The following COL5A2 variants were observed in gnomAD, a reference collection of about 807,000 sequenced individuals.
The protein encoded by COL5A2 is collagen alpha-2(V) chain.
A neutral mutation model predicts 208.2 loss-of-function variants in COL5A2; 23 were observed. The ratio of observed to expected loss-of-function variants is 0.11; its 90% CI spans 0.08 to 0.16. COL5A2 has a LOEUF of 0.16. Among genes scored for constraint, COL5A2 ranks in the 10% least tolerant of loss-of-function variants. COL5A2 has a pLI of 1.00. For missense variants in COL5A2, 1,590 were observed against 1,956.4 expected (o/e 0.81, Z 3.53); for synonymous variants, 625 against 628.5 (o/e 0.99, Z 0.08).
chr2:189,293,677 A>G, the COL5A2 span, among the ~76,000 whole-genome samples: 2 of 152,212 alleles, frequency 1.3e-5, no homozygotes, highest in Non-Finnish European at 2.9e-5. Flanking sequence ...ACAGGCAAAA[A>G]GACAGTTGTC....
chr2:189,237,257 A>G, the COL5A2 span, among the ~76,000 whole-genome samples: 1 of 151,354 alleles, frequency 6.6e-6, no homozygotes, highest in African/African-American at 2.4e-5. Context: ...TATATGCTTT[A>G]TTTGTTAGTA....
Position 189,166,185 on chromosome 2 carries a change from C to T in COL5A2, c.97+13323G>A, listed in dbSNP as rs553307448. Among the ~76,000 whole-genome samples, 8 of 152,228 alleles carry T rather than the reference C, an allele frequency of 5.3e-5. No homozygotes were observed. The South Asian group carries it at 1.7e-3, about 32-fold the overall frequency. ...CCTGTCCATTGGTATCACTTATATA[C>T]TCTTGGAGAGCCCTTCTTCCCAGGC... On this transcript the variant is annotated intron_variant, in intron 1 of 53. Coordinates refer to ENST00000374866, the MANE Select transcript of COL5A2 (RefSeq NM_000393.5).
At chr2:189,397,710 A>G in the COL5A2 span, among the ~76,000 whole-genome samples, 2 of 151,866 alleles carry the variant, frequency 1.3e-5, no homozygotes, top group Non-Finnish European at 2.9e-5. Flanking sequence ...CTTGTCTTTT[A>G]TTAATAACAC....
chr2:189,143,109 G>A (rs966795439), intron 1 of COL5A2, among the ~76,000 whole-genome samples: 4 of 151,980 alleles, frequency 2.6e-5, no homozygotes, highest in Non-Finnish European at 5.9e-5. Flanking sequence ...CCACCAAGCC[G>A]CCTTGACTTG....
At chr2:189,161,653 T>G (rs1183176639) in intron 1 of COL5A2, among the ~76,000 whole-genome samples, 1 of 152,190 alleles carries the variant, frequency 6.6e-6, no homozygotes, top group Non-Finnish European at 1.5e-5. Context: ...AAAATATATT[T>G]TGCTTGAAAT....
intron 3 of COL5A2, among the ~76,000 whole-genome samples, chr2:189,100,477 T>C (rs1687026328): frequency 6.6e-6 from 1 of 151,888 alleles, no homozygotes; most frequent in South Asian, 2.1e-4. Context: ...GAGGAAAAAC[T>C]ACTGAAAGAC....
At chr2:189,434,560 T>G in the COL5A2 span, among the ~76,000 whole-genome samples, 1 of 152,104 alleles carries the variant, frequency 6.6e-6, no homozygotes, top group Non-Finnish European at 1.5e-5. Flanking sequence ...AAATCATGAG[T>G]GCACTCCCAT....
At chr2:189,244,551 C>A in the COL5A2 span, among the ~76,000 whole-genome samples, 1 of 152,194 alleles carries the variant, frequency 6.6e-6, no homozygotes, top group Admixed American at 6.5e-5. Flanking sequence ...AACCTTTGCT[C>A]CAGTTTACAA....
At chr2:189,234,448 G>T in the COL5A2 span, among the ~76,000 whole-genome samples, 1 of 151,588 alleles carries the variant, frequency 6.6e-6, no homozygotes, top group African/African-American at 2.4e-5. Context: ...TGGCTGAATC[G>T]CATATTTAAA....
chr2:189,171,904 TG>T, intron 1 of COL5A2, among the ~76,000 whole-genome samples: 1 of 152,256 alleles, frequency 6.6e-6, no homozygotes, highest in African/African-American at 2.4e-5. Context: ...AGCCCATGGA[TG>T]AAGCTGAGAG....
At chr2:189,258,113 C>CA in the COL5A2 span, among the ~76,000 whole-genome samples, 333 of 150,956 alleles carry the variant, frequency 2.2e-3, no homozygotes, top group East Asian at 0.01. Context: ...GATTCTGTCT[C>CA]AAAAAAAATA....
the COL5A2 span, among the ~76,000 whole-genome samples, chr2:189,362,850 A>C: frequency 6.6e-6 from 1 of 152,118 alleles, no homozygotes; most frequent in South Asian, 2.1e-4. Flanking sequence ...AATACTGATG[A>C]GAATGAAAAG....
intron 23 of COL5A2, among the ~76,000 whole-genome samples, chr2:189,065,540 GAAGA>G (rs1329162585): frequency 3.3e-5 from 5 of 151,894 alleles, no homozygotes; most frequent in Admixed American, 1.3e-4. Context: ...AAAAAAAAAG[GAAGA>G]AAGGAAGGAA....
the COL5A2 span, among the ~76,000 whole-genome samples, chr2:189,264,155 T>C: frequency 6.6e-6 from 1 of 152,088 alleles, no homozygotes; most frequent in East Asian, 1.9e-4. Context: ...AAGATACAAT[T>C]TATAATAGCA....
the COL5A2 span, among the ~76,000 whole-genome samples, chr2:189,373,924 A>G: frequency 4.6e-5 from 7 of 152,216 alleles, no homozygotes; most frequent in African/African-American, 1.4e-4. Context: ...CTTTGCTTTC[A>G]CGTACCTATT....
chr2:189,151,381 C>T (rs1265759788), intron 1 of COL5A2, among the ~76,000 whole-genome samples: 2 of 152,090 alleles, frequency 1.3e-5, no homozygotes, highest in Admixed American at 1.3e-4. Context: ...ATGAAGCAAT[C>T]TTCAGAGCAA....
chr2:189,192,782 T>A (rs1688947474), intron 1 of COL5A2, among the ~76,000 whole-genome samples: 1 of 152,320 alleles, frequency 6.6e-6, no homozygotes, highest in South Asian at 2.1e-4. Context: ...TTAATTGCCA[T>A]TGTAACAGTA....
chr2:189,088,163 T>C (rs534329392), intron 8 of COL5A2, among the ~76,000 whole-genome samples: 20 of 151,994 alleles, frequency 1.3e-4, no homozygotes, highest in African/African-American at 3.9e-4. Context: ...GCTCCAAATA[T>C]CCAGGAAAAA....
the COL5A2 span, among the ~76,000 whole-genome samples, chr2:189,319,238 G>C: frequency 6.6e-6 from 1 of 151,992 alleles, no homozygotes; most frequent in Non-Finnish European, 1.5e-5. Context: ...CCCAGCGTGA[G>C]CGGCGCAGAA....
Sources: allele counts gnomAD v4.1 joint callset (sites outside exome capture counted in the v4.1 genomes callset), GRCh38; gene constraint gnomAD v4.1.1; transcripts MANE v1.5; gene names NCBI Gene and HGNC (gene_info 2026-07-23, HGNC 2026-07-21).